APLP2: variants seen among roughly 807,000 people sequenced by gnomAD.
APLP2 encodes the protein amyloid beta precursor like protein 2.
A neutral mutation model predicts 89.9 loss-of-function variants in APLP2; 53 were observed. That is an observed-to-expected ratio of 0.59 (90% confidence interval 0.47 to 0.74). The LOEUF is 0.74. APLP2 is among the 30% of genes least tolerant of loss of function. APLP2 has a pLI of 0.00. For synonymous variants in APLP2, 372 were observed against 348.6 expected (o/e 1.07, Z -0.75); for missense variants, 973 against 975.9 (o/e 1.00, Z 0.04).
chr11:130,140,344 T>C, intron 13 of APLP2, 54 bp from the exon 14 acceptor site: 1 of 1,417,130 alleles, frequency 7.1e-7, no homozygotes, highest in Non-Finnish European at 9.7e-7. Context: ...TTCTGTGCAA[T>C]GGGTGTGAGA....
intron 1 of APLP2, among the ~76,000 whole-genome samples, chr11:130,081,778 T>C (rs1254540749): frequency 6.6e-6 from 1 of 152,242 alleles, no homozygotes; most frequent in African/African-American, 2.4e-5. Flanking sequence ...TTTTGTAATT[T>C]ATTTGATTCT....
At chr11:130,090,773 G>T (rs78062541) in intron 1 of APLP2, among the ~76,000 whole-genome samples, 1 of 151,292 alleles carries the variant, frequency 6.6e-6, no homozygotes, top group Non-Finnish European at 1.5e-5. Context: ...TCAATGAGCC[G>T]TTGGGCACAC....
intron 13 of APLP2, chr11:130,138,946 T>A (rs1951999873): frequency 6.6e-6 from 1 of 152,060 alleles, no homozygotes. Context: ...TTTGAATAAT[T>A]CCTGCCTGTG....
rs1335227062 is a variant in APLP2, at chr11:130,142,155, TTCACTC to T, written c.2154+82_2154+87del. The T allele has an allele frequency of 3.8e-5, 54 of 1,415,602 alleles. No homozygotes were observed. The Admixed American group carries it at 1.2e-3, about 31-fold the overall frequency. The allele number at this position is 1,415,602 out of a possible 1,614,324, so 87.7% of individuals were successfully genotyped here. On this transcript the variant is annotated intron_variant, in intron 16 of 16. Coordinates refer to ENST00000338167, the MANE Select transcript of APLP2 (RefSeq NM_001142276.2). ...GGAACCTGTGGAATTAATAGGCATC[TTCACTC>T]CTCGAGTACTGGACATGCTGCTGTT...
chr11:130,136,099 G>C (rs1951555945), intron 13 of APLP2, among the ~76,000 whole-genome samples: 1 of 152,162 alleles, frequency 6.6e-6, no homozygotes. Context: ...GGAGGTGACA[G>C]GGCTGGCGTG....
intron 1 of APLP2, among the ~76,000 whole-genome samples, chr11:130,105,257 T>C (rs986191608): frequency 6.6e-6 from 1 of 152,112 alleles, no homozygotes; most frequent in Non-Finnish European, 1.5e-5. Context: ...TACCAAAATA[T>C]AAATACGTGT....
intron 13 of APLP2, among the ~76,000 whole-genome samples, chr11:130,140,189 A>G (rs1952180012): frequency 6.6e-6 from 1 of 152,176 alleles, no homozygotes; most frequent in Admixed American, 6.5e-5. Context: ...CTCCTCCATT[A>G]TACCCATTGG....
In APLP2 at chr11:130,110,594, T is replaced by C. The variant is rs1267667841; in HGVS notation, c.336T>C (p.Ile112=). The stretch of plus-strand genomic sequence containing the variant: ...TGGAGGCAAACCAGCGGGTTAGTAT[T>C]GACAACTGGTGCCGGAGGGACAAAA... ...NVMEANQRVS[I]DNWCRRDKKQ... Residue 112 remains isoleucine (I), a synonymous_variant, in exon 3 of 17, where the codon ATT becomes ATC. Transcript: ENST00000338167. 1 of 1,613,964 alleles carries C rather than the reference T, an allele frequency of 6.2e-7. No individual in the cohort carries two copies.
Position 130,121,787 on chromosome 11 carries a change from G to C in APLP2, c.690G>C (p.Glu230Asp). The C allele has an allele frequency of 6.2e-7, 1 of 1,612,664 alleles. No homozygotes were observed. The highest frequency in any genetic ancestry group is 8.5e-7 in the Non-Finnish European group (1 of 1,179,948). ...AGGAAGAGGAAGAGGAAGATGAAGAGGAAGACTATGATGTTTATAAAAGGT... is the reference window on the plus strand; with the variant it reads ...AGGAAGAGGAAGAGGAAGATGAAGACGAAGACTATGATGTTTATAAAAGGT... ...DEEEEEEEDE[E>D]EDYDVYKSEF... The change falls in exon 5 of 17, where the codon GAG becomes GAC. Residue 230 changes from glutamate to aspartate, a missense_variant. Physicochemically the swap from Glu to Asp is conservative, Grantham distance 45. Transcript: ENST00000338167.
intron 5 of APLP2, 23 bp downstream of exon 5, chr11:130,121,833 T>G (rs779221283): frequency 6.3e-7 from 1 of 1,599,814 alleles, no homozygotes; most frequent in Non-Finnish European, 8.5e-7. Context: ...CTTTGAACTG[T>G]GAAGTCGTTT....
At chr11:130,138,922 G>A (rs1267539887) in intron 13 of APLP2, 2 of 152,058 alleles carry the variant, frequency 1.3e-5, no homozygotes, top group African/African-American at 2.4e-5. Context: ...AGTTTGCTCA[G>A]TGCCACATTG....
At chr11:130,140,542 T>A in intron 14 of APLP2, 59 bp downstream of exon 14, 1 of 1,403,432 alleles carries the variant, frequency 7.1e-7, no homozygotes, top group Non-Finnish European at 9.8e-7. Flanking sequence ...TTAGAGCGAG[T>A]GACCTGATGT....
chr11:130,120,913 A>G, intron 4 of APLP2, 95 bp downstream of exon 4: 2 of 851,014 alleles, frequency 2.4e-6, no homozygotes, highest in South Asian at 1.4e-5. Flanking sequence ...TAAGTTAGTT[A>G]TGTTTCCCCC....
rs368746535 is a variant in APLP2, at chr11:130,120,743, A to G, written c.441A>G (p.Glu147=). The G allele has an allele frequency of 1.2e-6, 2 of 1,614,010 alleles. No homozygotes were observed. Residue 147 remains glutamate (E), a synonymous_variant, in exon 4 of 17, where the codon GAA becomes GAG. Coordinates refer to ENST00000338167, the MANE Select transcript of APLP2 (RefSeq NM_001142276.2). ...EFVSDVLLVP[E]KCQFFHKERM... ...TAAGTGATGTCCTGCTAGTTCCAGA[A>G]AAGTGCCAGTTTTTCCACAAAGAGC...
intron 1 of APLP2, chr11:130,102,011 G>C (rs749856117): frequency 2.6e-5 from 12 of 455,742 alleles, no homozygotes; most frequent in Non-Finnish European, 4.8e-5. Flanking sequence ...GTAGGTGTCT[G>C]ATGTGTGTCT....
At chr11:130,101,547 G>C in intron 1 of APLP2, 1 of 162,110 alleles carries the variant, frequency 6.2e-6, no homozygotes, top group East Asian at 1.9e-4. Context: ...CTTACTAGTT[G>C]TGCTACCTCA....
At position 130,141,830 on chromosome 11, in the gene APLP2, T is replaced by C. The variant is rs1447058093; in HGVS notation, c.1999-89T>C. 1 of 1,498,322 alleles carries C rather than the reference T, an allele frequency of 6.7e-7. No homozygotes were observed. 92.8% of individuals were successfully genotyped at this position (1,498,322 alleles called of 1,614,324 possible). On this transcript the variant is annotated intron_variant, in intron 15 of 16. Coordinates refer to ENST00000338167, the MANE Select transcript of APLP2 (RefSeq NM_001142276.2). The surrounding 1 kb of genome is among the most constrained non-coding windows in gnomAD (Gnocchi z 4.2). The stretch of plus-strand genomic sequence containing the variant: ...TACTTTGGGTTTTAGGGGCTCGACC[T>C]TCCAGGAGCGTGGCCCTCAGTGAGT...
intron 1 of APLP2, among the ~76,000 whole-genome samples, chr11:130,088,270 A>G (rs1346566504): frequency 2.0e-5 from 3 of 151,992 alleles, no homozygotes; most frequent in Non-Finnish European, 2.9e-5. Context: ...CCAGGGGGGA[A>G]AAAACCATAA....
chr11:130,121,555 T>G, intron 4 of APLP2, 59 bp from the exon 5 acceptor site: 1 of 1,492,632 alleles, frequency 6.7e-7, no homozygotes, highest in Non-Finnish European at 9.0e-7. Flanking sequence ...GAGATCGGAG[T>G]GTATTTGACC....
Sources: gnomAD v4.1 joint callset for allele counts (sites outside exome capture counted in the v4.1 genomes callset) on GRCh38, gnomAD v4.1.1 for gene constraint, Gnocchi (gnomAD v3.1) non-coding constraint, MANE v1.5 for transcripts, NCBI Gene and HGNC (gene_info 2026-07-23, HGNC 2026-07-21) for gene names.